Variants in CDH12 observed in about 807,000 individuals in gnomAD.
CDH12 encodes the protein cadherin-12.
Under a neutral mutation model 74.1 loss-of-function variants are expected in CDH12, and 41 were observed. That is an observed-to-expected ratio of 0.55 (90% CI 0.43 to 0.72). CDH12 has a LOEUF of 0.72. Among genes scored for constraint, CDH12 ranks in the 30% least tolerant of loss-of-function variants. CDH12 has a pLI of 0.00. For synonymous variants in CDH12, 399 were observed against 355.0 expected (o/e 1.12, Z -1.39); for missense variants, 945 against 977.2 (o/e 0.97, Z 0.44).
chr5:22,092,172 C>A lies in CDH12; in HGVS notation c.-186-13310G>T, dbSNP rs114337477. Among the ~76,000 whole-genome samples the A allele has an allele frequency of 3.8e-3, 576 of 151,944 alleles. 10 individuals are homozygous for A. Among genetic ancestry groups the A allele is most frequent in the African/African-American group, 0.013 (542 of 41,508 alleles). On this transcript the variant is annotated intron_variant, in intron 4 of 14. Transcript: ENST00000382254. Reference sequence around the variant, plus strand: ...TCATAGACCTTATTTAAGAGTTAATCCTGTAAGATTCTTACACACAAACAT... The same window carrying A: ...TCATAGACCTTATTTAAGAGTTAATACTGTAAGATTCTTACACACAAACAT...
intron 3 of CDH12, among the ~76,000 whole-genome samples, chr5:22,253,529 T>C (rs1364637444): frequency 6.6e-6 from 1 of 151,978 alleles, no homozygotes; most frequent in Admixed American, 6.6e-5. Flanking sequence ...ACATATTTTC[T>C]GTTCCTTTTT....
chr5:22,577,060 T>C (rs1438790073), intron 1 of CDH12, among the ~76,000 whole-genome samples: 2 of 152,206 alleles, frequency 1.3e-5, no homozygotes, highest in Admixed American at 1.3e-4. Context: ...CATTTGTCCA[T>C]CTTTCTACCT....
rs553142244 is a variant in CDH12 at position 21,763,910 on chromosome 5, C to T, written c.1515+1068G>A. ...ATGAAAGTCAGACATTTAAAATAAC[C>T]CAGATGTTCTCCTCAAGGCCACCAG... On this transcript the variant is annotated intron_variant, in intron 12 of 14. Coordinates refer to ENST00000382254, the MANE Select transcript of CDH12 (RefSeq NM_004061.5). 5.3e-5 allele frequency among the ~76,000 whole-genome samples: 8 copies of T among 152,118 alleles called. No individual in the cohort carries two copies. In the South Asian group the frequency reaches 1.2e-3, roughly 24 times the overall value.
intron 6 of CDH12, among the ~76,000 whole-genome samples, chr5:21,919,177 T>C (rs767099912): frequency 2.6e-5 from 4 of 152,216 alleles, no homozygotes; most frequent in South Asian, 4.1e-4. Flanking sequence ...GCTCATTTAA[T>C]TTCAAATGTA....
At chr5:21,970,243 C>T (rs1165560178) in intron 6 of CDH12, among the ~76,000 whole-genome samples, 7 of 152,098 alleles carry the variant, frequency 4.6e-5, no homozygotes, top group Non-Finnish European at 1.0e-4. Flanking sequence ...AATAAATAGT[C>T]AACATTCTGT....
chr5:22,487,226 T>C (rs1332534721), intron 2 of CDH12, among the ~76,000 whole-genome samples: 2 of 151,572 alleles, frequency 1.3e-5, no homozygotes, highest in African/African-American at 4.9e-5. Flanking sequence ...GATTTCGAAC[T>C]CCTGACCTCA....
At chr5:22,333,685 AAAACT>A (rs776344224) in intron 3 of CDH12, among the ~76,000 whole-genome samples, 5 of 152,222 alleles carry the variant, frequency 3.3e-5, no homozygotes, top group Non-Finnish European at 7.3e-5. Flanking sequence ...TCAAGAAAAC[AAAACT>A]AAAGGTCAGT....
At chr5:22,502,268 T>C (rs997213571) in intron 2 of CDH12, among the ~76,000 whole-genome samples, 1 of 151,954 alleles carries the variant, frequency 6.6e-6, no homozygotes. Context: ...GATCTGGTGG[T>C]TTTATAAAGG....
chr5:22,397,263 C>A (rs1293717991), intron 3 of CDH12, among the ~76,000 whole-genome samples: 3 of 152,018 alleles, frequency 2.0e-5, no homozygotes, highest in Non-Finnish European at 4.4e-5. Context: ...GCAGACAATG[C>A]CAGCCTTCAA....
chr5:22,815,442 T>C (rs969406024), intron 1 of CDH12, among the ~76,000 whole-genome samples: 3 of 151,854 alleles, frequency 2.0e-5, no homozygotes, highest in African/African-American at 7.3e-5. Flanking sequence ...GAATAATGCA[T>C]ATTAGAAAAG....
intron 1 of CDH12, among the ~76,000 whole-genome samples, chr5:22,616,619 T>C (rs748247630): frequency 6.6e-6 from 1 of 152,066 alleles, no homozygotes; most frequent in Non-Finnish European, 1.5e-5. Context: ...TGTGTATACA[T>C]ACATATAATC....
At chr5:22,454,088 T>C (rs1017761514) in intron 2 of CDH12, among the ~76,000 whole-genome samples, 4 of 152,066 alleles carry the variant, frequency 2.6e-5, no homozygotes, top group East Asian at 2.0e-4. Flanking sequence ...TATTAACATA[T>C]AATTTATTCT....
Position 21,859,480 on chromosome 5 carries a change from G to C in CDH12, c.527-4690C>G, listed in dbSNP as rs7718202. On this transcript the variant is annotated intron_variant, in intron 6 of 14. Transcript: ENST00000382254. The stretch of plus-strand genomic sequence containing the variant: ...CTTCAATCCAATCAGTTCTCCAGAA[G>C]GCTGTATATGCTCTGAATCAGTGTC... Among the ~76,000 whole-genome samples the C allele has an allele frequency of 4.5e-3, 684 of 152,036 alleles. 6 individuals carry two copies. Among genetic ancestry groups the C allele is most frequent in the African/African-American group, 0.015 (643 of 41,522 alleles).
chr5:22,036,996 C>G (rs1739235905), intron 5 of CDH12, among the ~76,000 whole-genome samples: 1 of 151,948 alleles, frequency 6.6e-6, no homozygotes, highest in Non-Finnish European at 1.5e-5. Context: ...TTTTGTTAAT[C>G]AACTCTAAAA....
At position 21,842,144 on chromosome 5, in the gene CDH12, CA is replaced by C. The variant is rs1749901243; in HGVS notation, c.814+16del. Reference sequence around the variant, plus strand: ...TTAAACCGCAATAATTTAGGCTTAACAGGAAAGGTGACATACTTTTGGGGAA... The same window carrying C: ...TTAAACCGCAATAATTTAGGCTTAACGGAAAGGTGACATACTTTTGGGGAA... On this transcript the variant is annotated intron_variant, in intron 8 of 14. Transcript: ENST00000382254. 1 of 1,591,282 alleles carries C rather than the reference CA, an allele frequency of 6.3e-7. No individual in the cohort carries two copies. Among genetic ancestry groups the C allele is most frequent in the East Asian group, 2.3e-5 (1 of 43,944 alleles).
chr5:22,098,727 C>T (rs1009470264), intron 4 of CDH12, among the ~76,000 whole-genome samples: 2 of 152,160 alleles, frequency 1.3e-5, no homozygotes, highest in Non-Finnish European at 2.9e-5. Flanking sequence ...CCACACCTGA[C>T]CCCCATGACT....
At chr5:22,236,960 T>TG (rs35334132) in intron 3 of CDH12, among the ~76,000 whole-genome samples, 7 of 126,808 alleles carry the variant, frequency 5.5e-5, no homozygotes, top group Non-Finnish European at 1.1e-4. Flanking sequence ...GTTTTATGGC[T>TG]CTTTTTTTTT....
chr5:21,818,079 C>G (rs1487660726), intron 8 of CDH12, among the ~76,000 whole-genome samples: 1 of 151,864 alleles, frequency 6.6e-6, no homozygotes, highest in African/African-American at 2.4e-5. Context: ...TAACAACAGT[C>G]TGTTCAAATT....
chr5:22,527,440 A>AT (rs1013189831), intron 1 of CDH12, among the ~76,000 whole-genome samples: 3 of 152,114 alleles, frequency 2.0e-5, no homozygotes, highest in African/African-American at 7.2e-5. Flanking sequence ...TAAGCTTCCT[A>AT]TTTTACTTCT....
Sources: allele counts gnomAD v4.1 joint callset (sites outside exome capture counted in the v4.1 genomes callset), GRCh38; gene constraint gnomAD v4.1.1; transcripts MANE v1.5; gene names NCBI Gene and HGNC (gene_info 2026-07-23, HGNC 2026-07-21).